ZBTB20: variants seen among roughly 807,000 people sequenced by gnomAD.
The protein encoded by ZBTB20 is zinc finger and BTB domain containing 20.
In ZBTB20, 9 loss-of-function variants were observed where a neutral mutation model predicts 56.9. The ratio of observed to expected loss-of-function variants is 0.16; its 90% confidence interval spans 0.10 to 0.28. The LOEUF is 0.28. Among genes scored for constraint, ZBTB20 ranks in the 10% least tolerant of loss-of-function variants. The pLI is 1.00. For synonymous variants in ZBTB20, 417 were observed against 420.7 expected (o/e 0.99, Z 0.11); for missense variants, 655 against 1,003.0 (o/e 0.65, Z 4.69).
At chr3:115,065,046 C>T (rs1293891888) in intron 2 of ZBTB20, among the ~76,000 whole-genome samples, 4 of 152,046 alleles carry the variant, frequency 2.6e-5, no homozygotes, top group South Asian at 2.1e-4. Flanking sequence ...TCTTTGCTCT[C>T]GCCTGCCTTC....
chr3:114,322,820 C>T lies in ZBTB20; in HGVS notation c.*16185G>A, dbSNP rs1027604073. On this transcript the variant is annotated 3_prime_UTR_variant, in exon 12 of 12. Coordinates refer to ENST00000675478, the MANE Select transcript of ZBTB20 (RefSeq NM_001348800.3). The stretch of plus-strand genomic sequence containing the variant: ...GACAACTTTCTGAACAATATTTAAA[C>T]TTGGAATAGTAGACTTGGACGGATA... The T allele has an allele frequency of 3.3e-5, 5 of 152,116 alleles. No homozygotes were observed. The highest frequency in any genetic ancestry group is 6.6e-5 in the Admixed American group (1 of 15,260). The allele number at this position is 152,116 out of a possible 1,614,324, so 9.4% of individuals were successfully genotyped here. A position where few individuals can be genotyped will look rare whatever the true frequency, so the allele number is the denominator to read the frequency against.
At chr3:114,461,598 C>T (rs2092334273) in intron 7 of ZBTB20, among the ~76,000 whole-genome samples, 6 of 152,226 alleles carry the variant, frequency 3.9e-5, no homozygotes. Context: ...AGCCACTGCG[C>T]CCAGCCCCTA....
At chr3:114,393,167 G>A (rs1375804390) in intron 7 of ZBTB20, among the ~76,000 whole-genome samples, 5 of 152,194 alleles carry the variant, frequency 3.3e-5, no homozygotes, top group African/African-American at 1.2e-4. Flanking sequence ...ATGGGCTCAA[G>A]AGCTCTTCAT....
chr3:114,838,597 T>C lies in ZBTB20; in HGVS notation c.-416-37423A>G, dbSNP rs72956292. Among the ~76,000 whole-genome samples the C allele has an allele frequency of 5.9e-3, 899 of 152,296 alleles. 14 individuals are homozygous for C. The highest frequency in any genetic ancestry group is 0.02 in the African/African-American group (830 of 41,558). On this transcript the variant is annotated intron_variant, in intron 4 of 11. Transcript: ENST00000675478. ...TAAAAGAAGACAGGGCACTGAACCC[T>C]GATCTAATATGTAATGGGGTTATGA...
Position 114,325,822 on chromosome 3 carries a change from G to A in ZBTB20, c.*13183C>T, listed in dbSNP as rs959443294. 2.6e-5 allele frequency: 4 copies of A among 152,294 alleles called. No individual in the cohort carries two copies. Among genetic ancestry groups the A allele is most frequent in the East Asian group, 3.9e-4 (2 of 5,188 alleles). 9.4% of individuals were successfully genotyped at this position (152,294 alleles called of 1,614,324 possible). On this transcript the variant is annotated 3_prime_UTR_variant, in exon 12 of 12. Transcript: ENST00000675478. Reference sequence around the variant, plus strand: ...AACGTTGTCAGGCTATCTGTTAATCGAGTTGAGTTGAAAACAGTATGCTTT... The same window carrying A: ...AACGTTGTCAGGCTATCTGTTAATCAAGTTGAGTTGAAAACAGTATGCTTT...
At position 115,132,024 on chromosome 3, in the gene ZBTB20, C is replaced by T. The variant is rs146989146; in HGVS notation, c.-703+15195G>A. The stretch of plus-strand genomic sequence containing the variant: ...TTTCATATTTGCTTGCCTTTCGTTA[C>T]CATTTAATCTTCCAAGTAGTTTTAA... On this transcript the variant is annotated intron_variant, in intron 1 of 11. Coordinates refer to ENST00000675478, the MANE Select transcript of ZBTB20 (RefSeq NM_001348800.3). Among the ~76,000 whole-genome samples, 28 of 152,042 alleles carry T rather than the reference C, an allele frequency of 1.8e-4. No homozygotes were observed. The East Asian group carries it at 5.4e-3, about 29-fold the overall frequency.
intron 7 of ZBTB20, among the ~76,000 whole-genome samples, chr3:114,435,540 G>T (rs2090461293): frequency 6.6e-6 from 1 of 152,156 alleles, no homozygotes; most frequent in Non-Finnish European, 1.5e-5. Flanking sequence ...TGCCTTGCCA[G>T]GCCAGACTTC....
intron 1 of ZBTB20, among the ~76,000 whole-genome samples, chr3:115,110,410 T>C (rs1016691511): frequency 2.0e-5 from 3 of 152,204 alleles, no homozygotes; most frequent in African/African-American, 7.2e-5. Context: ...TGTAGGCTTA[T>C]AGCCATAACT....
At chr3:114,828,983 T>G (rs753040722) in intron 4 of ZBTB20, among the ~76,000 whole-genome samples, 5 of 151,846 alleles carry the variant, frequency 3.3e-5, no homozygotes, top group Non-Finnish European at 7.4e-5. Flanking sequence ...GCCTGGTCAC[T>G]TATGGATTCT....
intron 1 of ZBTB20, among the ~76,000 whole-genome samples, chr3:115,105,047 T>G (rs1448412059): frequency 6.6e-6 from 1 of 152,110 alleles, no homozygotes; most frequent in Non-Finnish European, 1.5e-5. Context: ...AAACAATAAA[T>G]TAAAAGAAAA....
At chr3:114,515,056 C>T (rs2045831278) in intron 6 of ZBTB20, among the ~76,000 whole-genome samples, 2 of 152,134 alleles carry the variant, frequency 1.3e-5, no homozygotes, top group South Asian at 2.1e-4. Flanking sequence ...ACACTGACCA[C>T]CAGGCTATGT....
chr3:114,759,626 G>T (rs7648823), intron 5 of ZBTB20, among the ~76,000 whole-genome samples: 21,257 of 151,978 alleles, frequency 0.14, 2,676 homozygotes, highest in African/African-American at 0.34. Flanking sequence ...AAACACAGAA[G>T]TATGAGTTAT....
chr3:114,847,849 G>C (rs556719070), intron 4 of ZBTB20, among the ~76,000 whole-genome samples: 2 of 152,274 alleles, frequency 1.3e-5, no homozygotes, highest in African/African-American at 4.8e-5. Context: ...AGCACTTGTT[G>C]ATTGACTGAA....
chr3:114,688,121 T>C (rs1277873033), intron 6 of ZBTB20: 1 of 151,962 alleles, frequency 6.6e-6, no homozygotes, highest in Non-Finnish European at 1.5e-5. Context: ...TCCCAGCTAC[T>C]TGGGAGGCTA....
chr3:115,117,193 T>C (rs181623479), intron 1 of ZBTB20, among the ~76,000 whole-genome samples: 61 of 152,218 alleles, frequency 4.0e-4, no homozygotes, highest in Non-Finnish European at 6.0e-4. Context: ...CAAAAATAAT[T>C]TGTTTGGATT....
chr3:114,467,186 T>C (rs1280514221), intron 7 of ZBTB20, among the ~76,000 whole-genome samples: 1 of 152,142 alleles, frequency 6.6e-6, no homozygotes, highest in Non-Finnish European at 1.5e-5. Context: ...TGTGGAAATG[T>C]CCATTGAGCA....
chr3:114,406,684 T>G (rs2087360606), intron 7 of ZBTB20, among the ~76,000 whole-genome samples: 1 of 152,152 alleles, frequency 6.6e-6, no homozygotes. Context: ...GTGTTTGTAC[T>G]CCTTCTAAGG....
intron 1 of ZBTB20, among the ~76,000 whole-genome samples, chr3:115,139,213 G>A (rs542118802): frequency 6.6e-6 from 1 of 152,112 alleles, no homozygotes; most frequent in African/African-American, 2.4e-5. Context: ...GAAATGAGAG[G>A]ATTCAGGATA....
chr3:114,641,877 T>C (rs1481355915), intron 6 of ZBTB20, among the ~76,000 whole-genome samples: 1 of 152,048 alleles, frequency 6.6e-6, no homozygotes, highest in Non-Finnish European at 1.5e-5. Flanking sequence ...CTGTTTTTCA[T>C]TGTTTAACAG....
Sources: allele counts gnomAD v4.1 joint callset (sites outside exome capture counted in the v4.1 genomes callset), GRCh38; gene constraint gnomAD v4.1.1; transcripts MANE v1.5; gene names NCBI Gene and HGNC (gene_info 2026-07-23, HGNC 2026-07-21).